Variants in SUGCT observed in about 807,000 individuals in gnomAD.
The protein encoded by SUGCT is succinyl-CoA:glutarate-CoA transferase, also known as succinyl-CoA:glutarate CoA-transferase.
In SUGCT, 41 loss-of-function variants were observed where a neutral mutation model predicts 55.0. The ratio of observed to expected loss-of-function variants is 0.74; its 90% CI spans 0.58 to 0.97. SUGCT has a LOEUF of 0.97. SUGCT is among the 50% of genes least tolerant of loss of function. The pLI is 0.00. For missense variants in SUGCT, 568 were observed against 547.8 expected, an observed-to-expected ratio of 1.04 and a Z score of -0.37; for synonymous variants, 187 against 200.4, an observed-to-expected ratio of 0.93 and a Z score of 0.56.
chr7:40,855,025 T>TAA (rs5883745), intron 13 of SUGCT, among the ~76,000 whole-genome samples: 1 of 144,528 alleles, frequency 6.9e-6, no homozygotes, highest in Non-Finnish European at 1.5e-5. Flanking sequence ...TTTTATTCTT[T>TAA]AAAAAAAAAA....
intron 13 of SUGCT, among the ~76,000 whole-genome samples, chr7:40,753,959 G>A (rs3857749): frequency 0.55 from 82,964 of 151,842 alleles, 24,429 homozygotes; most frequent in Admixed American, 0.71. Context: ...TATTATATCT[G>A]TTGCAAATAC....
intron 13 of SUGCT, among the ~76,000 whole-genome samples, chr7:40,841,658 A>G (rs564024998): frequency 6.6e-5 from 10 of 152,226 alleles, no homozygotes; most frequent in Non-Finnish European, 1.0e-4. Flanking sequence ...ATAAGAAATG[A>G]TACATTTCAT....
chr7:40,808,752 G>A (rs1791241359), intron 13 of SUGCT, among the ~76,000 whole-genome samples: 1 of 152,198 alleles, frequency 6.6e-6, no homozygotes, highest in South Asian at 2.1e-4. Flanking sequence ...TCCCATGAAT[G>A]TAATTGTTGT....
At chr7:40,706,471 A>G (rs966393864) in intron 12 of SUGCT, among the ~76,000 whole-genome samples, 2 of 152,304 alleles carry the variant, frequency 1.3e-5, no homozygotes, top group South Asian at 4.1e-4. Context: ...GTGGCACTGC[A>G]CTCCAACCTG....
chr7:40,814,633 C>A (rs1309159489), intron 13 of SUGCT, among the ~76,000 whole-genome samples: 9 of 151,624 alleles, frequency 5.9e-5, no homozygotes, highest in South Asian at 2.1e-4. Context: ...TGATGTTCAA[C>A]CTTGTCTTGG....
intron 9 of SUGCT, among the ~76,000 whole-genome samples, chr7:40,435,449 C>T (rs1348282611): frequency 6.6e-6 from 1 of 152,128 alleles, no homozygotes; most frequent in Non-Finnish European, 1.5e-5. Flanking sequence ...GCCACCAAGG[C>T]TTATAATGTC....
chr7:40,198,201 C>T (rs371397484), intron 6 of SUGCT, among the ~76,000 whole-genome samples: 1 of 152,122 alleles, frequency 6.6e-6, no homozygotes, highest in Admixed American at 6.6e-5. Context: ...CTATATACTC[C>T]GTTCTCCTTT....
At chr7:40,136,106 C>A (rs1166141099) in intron 1 of SUGCT, among the ~76,000 whole-genome samples, 1 of 151,602 alleles carries the variant, frequency 6.6e-6, no homozygotes, top group Non-Finnish European at 1.5e-5. Context: ...AAGCGATTCT[C>A]TTGCCTCAGC....
At chr7:40,935,112 A>C in the SUGCT span, among the ~76,000 whole-genome samples, 1 of 152,238 alleles carries the variant, frequency 6.6e-6, no homozygotes, top group Admixed American at 6.5e-5. Context: ...AATAGAAGAT[A>C]ATATAGAAAA....
intron 12 of SUGCT, among the ~76,000 whole-genome samples, chr7:40,632,061 AT>A (rs992773992): frequency 1.3e-4 from 20 of 152,050 alleles, no homozygotes; most frequent in African/African-American, 4.8e-4. Flanking sequence ...GCAGGATCTC[AT>A]TTCCCACAAG....
chr7:40,754,576 A>T (rs1788166327), intron 13 of SUGCT, among the ~76,000 whole-genome samples: 1 of 152,154 alleles, frequency 6.6e-6, no homozygotes, highest in African/African-American at 2.4e-5. Context: ...TGAACATGGA[A>T]AAGTAGGTTG....
intron 8 of SUGCT, among the ~76,000 whole-genome samples, chr7:40,283,185 C>T (rs779180678): frequency 5.9e-5 from 9 of 151,736 alleles, no homozygotes; most frequent in Non-Finnish European, 1.3e-4. Flanking sequence ...AACAGTTCAC[C>T]CCATTAAAAT....
In SUGCT at chr7:40,860,627, C is replaced by T. The variant is rs1038625305; in HGVS notation, c.*148C>T. The T allele has an allele frequency of 1.3e-6, 1 of 750,756 alleles. No individual in the cohort carries two copies. Among genetic ancestry groups the T allele is most frequent in the African/African-American group, 1.8e-5 (1 of 57,084 alleles). 46.5% of individuals were successfully genotyped at this position (750,756 alleles called of 1,614,324 possible). A position where few individuals can be genotyped will look rare whatever the true frequency, so the allele number is the denominator to read the frequency against. On this transcript the variant is annotated 3_prime_UTR_variant, in exon 14 of 14. Coordinates refer to ENST00000335693, the MANE Select transcript of SUGCT (RefSeq NM_001193313.2). ...TTCTTACATGGCATCTCCAGAATGG[C>T]TCTGGTATTAATGAATCTAGTGCCT...
intron 6 of SUGCT, among the ~76,000 whole-genome samples, chr7:40,232,997 C>G (rs185130066): frequency 6.6e-6 from 1 of 152,176 alleles, no homozygotes; most frequent in East Asian, 1.9e-4. Context: ...TTTTCTACCT[C>G]TTCATTAAAT....
intron 6 of SUGCT, among the ~76,000 whole-genome samples, chr7:40,214,004 G>T (rs1268860851): frequency 1.3e-5 from 2 of 152,068 alleles, no homozygotes; most frequent in Non-Finnish European, 2.9e-5. Context: ...AAGGTAGATA[G>T]ATATTATTAT....
chr7:40,416,908 C>T (rs1411320453), intron 9 of SUGCT, among the ~76,000 whole-genome samples: 2 of 151,944 alleles, frequency 1.3e-5, no homozygotes, highest in African/African-American at 4.8e-5. Context: ...AAAAACAAGG[C>T]TTTAATTGCC....
At chr7:40,635,097 C>T (rs1799961088) in intron 12 of SUGCT, among the ~76,000 whole-genome samples, 1 of 152,002 alleles carries the variant, frequency 6.6e-6, no homozygotes, top group African/African-American at 2.4e-5. Flanking sequence ...ATCAGCCTGG[C>T]CAACATGGTA....
At chr7:40,235,981 A>G (rs999876728) in intron 6 of SUGCT, among the ~76,000 whole-genome samples, 1 of 152,090 alleles carries the variant, frequency 6.6e-6, no homozygotes, top group African/African-American at 2.4e-5. Context: ...AAAGCTCTTC[A>G]TTGGGTCACT....
chr7:40,482,952 A>AT (rs1340361866), intron 11 of SUGCT, among the ~76,000 whole-genome samples: 1 of 152,178 alleles, frequency 6.6e-6, no homozygotes, highest in Non-Finnish European at 1.5e-5. Context: ...TGGCCTGCAA[A>AT]TTGACATGCA....
Sources: allele counts gnomAD v4.1 joint callset (sites outside exome capture counted in the v4.1 genomes callset), GRCh38; gene constraint gnomAD v4.1.1; transcripts MANE v1.5; gene names NCBI Gene and HGNC (gene_info 2026-07-23, HGNC 2026-07-21).